Variants in SCN2A observed in about 807,000 individuals in gnomAD.
SCN2A encodes sodium channel protein type 2 subunit alpha.
A neutral mutation model predicts 188.7 loss-of-function variants in SCN2A; 20 were observed. The observed-to-expected ratio is 0.11, with a 90% CI of 0.07 to 0.15. The LOEUF (loss-of-function observed/expected upper bound fraction) is 0.15, where lower values mean the gene tolerates loss of function less well. SCN2A is among the 10% of genes least tolerant of loss of function. The probability of loss-of-function intolerance (pLI) is 1.00; values close to 1 mark genes in which losing one functional copy is unlikely to be tolerated. For synonymous variants in SCN2A, 804 were observed against 833.1 expected (o/e 0.97, Z 0.60); for missense variants, 1,278 against 2,445.0 (o/e 0.52, Z 10.07).
intron 17 of SCN2A, among the ~76,000 whole-genome samples, chr2:165,361,040 T>C (rs985060852): frequency 3.3e-5 from 5 of 151,958 alleles, no homozygotes; most frequent in Non-Finnish European, 7.4e-5. Context: ...TATTCCTAAT[T>C]TGATTAATTT....
chr2:165,365,233 T>A lies in SCN2A; in HGVS notation c.3490T>A (p.Ser1164Thr). ...ACAGCCTGAGGTTGAACCTGAGGAA[T>A]CCCTTGAACCTGAAGCCTGTTTTAC... ...GEQPEVEPEESLEPEACFTED... is the reference protein window; with the variant it reads ...GEQPEVEPEETLEPEACFTED... Residue 1164 changes from serine to threonine, a missense_variant, in exon 18 of 27, where the codon TCC (serine) becomes ACC (threonine). Physicochemically the swap from Ser to Thr is moderately conservative, Grantham distance 58 (BLOSUM62 1). Transcript: ENST00000375437. 6.2e-7 allele frequency: 1 copy of A among 1,613,986 alleles called. No homozygotes were observed. The highest frequency in any genetic ancestry group is 8.5e-7 in the Non-Finnish European group (1 of 1,179,920).
chr2:165,386,251 G>A (rs1035516059), intron 25 of SCN2A, among the ~76,000 whole-genome samples: 1 of 151,882 alleles, frequency 6.6e-6, no homozygotes, highest in African/African-American at 2.4e-5. Flanking sequence ...AGATCATTAG[G>A]TCAGGAGTTT....
chr2:165,300,001 C>T (rs1696717952), intron 3 of SCN2A, among the ~76,000 whole-genome samples: 2 of 152,082 alleles, frequency 1.3e-5, no homozygotes, highest in Non-Finnish European at 2.9e-5. Flanking sequence ...TTTATTTTGG[C>T]TGAATGAGAA....
intron 13 of SCN2A, 128 bp downstream of exon 13, chr2:165,327,112 G>A (rs1698399176): frequency 1.7e-6 from 2 of 1,200,462 alleles, no homozygotes; most frequent in Non-Finnish European, 2.4e-6. Context: ...CTAAATAACA[G>A]TAAAATCCGT....
intron 26 of SCN2A, among the ~76,000 whole-genome samples, chr2:165,387,857 A>C (rs746565391): frequency 6.6e-6 from 1 of 152,104 alleles, no homozygotes; most frequent in Non-Finnish European, 1.5e-5. Context: ...CATAAGTGCT[A>C]TGAGGTAGCA....
intron 21 of SCN2A, 149 bp downstream of exon 21, chr2:165,373,496 G>A: frequency 1.1e-6 from 1 of 882,688 alleles, no homozygotes; most frequent in South Asian, 1.6e-5. Context: ...TTTACCAGAT[G>A]CCCATAATAC....
intron 12 of SCN2A, 131 bp downstream of exon 12, chr2:165,323,631 C>A (rs1698184099): frequency 4.8e-6 from 4 of 829,926 alleles, no homozygotes; most frequent in South Asian, 3.1e-5. Flanking sequence ...TTCAATCAAG[C>A]TGTTAACTGT....
At position 165,323,196 on chromosome 2, in the gene SCN2A, G is replaced by T. The variant is rs138138150; in HGVS notation, c.1712G>T (p.Arg571Leu). The T allele has an allele frequency of 1.2e-6, 2 of 1,614,012 alleles. No homozygotes were observed. The highest frequency in any genetic ancestry group is 1.7e-6 in the Non-Finnish European group (2 of 1,180,050). Reference sequence around the variant, plus strand: ...CGTGGCTCCCTTTTCTCTCCAAGACGCAACAGTAGGGCGAGCCTTTTCAGC... The same window carrying T: ...CGTGGCTCCCTTTTCTCTCCAAGACTCAACAGTAGGGCGAGCCTTTTCAGC... ...SIRGSLFSPR[R>L]NSRASLFSFR... Residue 571 changes from arginine (R) to leucine (L), a missense_variant, in exon 12 of 27, where the codon CGC becomes CTC. Transcript: ENST00000375437.
chr2:165,328,472 A>G (rs1208596071), intron 13 of SCN2A: 2 of 985,668 alleles, frequency 2.0e-6, no homozygotes, highest in African/African-American at 1.7e-5. Context: ...GGAAGCTGCC[A>G]GTGGTTCTGC....
chr2:165,375,789 T>A (rs560777040), intron 22 of SCN2A, among the ~76,000 whole-genome samples: 4 of 151,778 alleles, frequency 2.6e-5, no homozygotes, highest in African/African-American at 9.7e-5. Context: ...TAAAAACTTA[T>A]TGGATGTATA....
intron 11 of SCN2A, among the ~76,000 whole-genome samples, chr2:165,318,362 A>T (rs184925625): frequency 1.3e-5 from 2 of 152,352 alleles, no homozygotes. Context: ...TGAAACCTTT[A>T]TAAGGTACAA....
intron 1 of SCN2A, chr2:165,271,718 A>C (rs1247180512): frequency 6.6e-6 from 1 of 152,114 alleles, no homozygotes; most frequent in Non-Finnish European, 1.5e-5. Flanking sequence ...TTTTCCTGTC[A>C]ATCCCTCCTT....
At chr2:165,356,634 G>A (rs774166764) in intron 17 of SCN2A, among the ~76,000 whole-genome samples, 16 of 152,142 alleles carry the variant, frequency 1.1e-4, no homozygotes, top group African/African-American at 1.7e-4. Flanking sequence ...AGTATCAAAC[G>A]TTGAAGCCAT....
At chr2:165,258,659 A>G (rs181201935) in intron 1 of SCN2A, among the ~76,000 whole-genome samples, 1 of 152,380 alleles carries the variant, frequency 6.6e-6, no homozygotes, top group East Asian at 1.9e-4. Context: ...CACTGTTCAC[A>G]ATAGCAAAGA....
Position 165,344,830 on chromosome 2 carries a change from C to G in SCN2A, c.2838C>G (p.Thr946=). The change falls in exon 16 of 27, where the codon ACC becomes ACG. Residue 946 remains threonine (T), a synonymous_variant. Transcript: ENST00000375437. ...FRVLCGEWIE[T]MWDCMEVAGQ... Reference sequence around the variant, plus strand: ...TGCTGTGTGGAGAGTGGATAGAGACCATGTGGGACTGTATGGAGGTCGCTG... The same window carrying G: ...TGCTGTGTGGAGAGTGGATAGAGACGATGTGGGACTGTATGGAGGTCGCTG... The G allele has an allele frequency of 6.2e-7, 1 of 1,614,140 alleles. No individual in the cohort carries two copies.
chr2:165,365,379 ATC>A, intron 18 of SCN2A, 116 bp downstream of exon 18: 2 of 973,490 alleles, frequency 2.1e-6, no homozygotes, highest in Non-Finnish European at 3.2e-6. Flanking sequence ...ATCTGTATCT[ATC>A]TATCTATCTA....
At chr2:165,301,308 G>A (rs1386470712) in intron 3 of SCN2A, among the ~76,000 whole-genome samples, 1 of 152,056 alleles carries the variant, frequency 6.6e-6, no homozygotes, top group Non-Finnish European at 1.5e-5. Flanking sequence ...GTTCAACTTT[G>A]GGAGCTGTCA....
rs780269505 is a variant in SCN2A at position 165,354,436 on chromosome 2, A to G, written c.3164A>G (p.Asn1055Ser). The G allele has an allele frequency of 1.2e-6, 2 of 1,614,144 alleles. No individual in the cohort carries two copies. ...AATAAAAAAGACAGCTGTATTTCCA[A>G]CCATACCACCATAGAAATAGGCAAA... The part of the protein sequence containing the change: ...LNNKKDSCIS[N>S]HTTIEIGKDL... Residue 1055 changes from asparagine to serine, a missense_variant, in exon 17 of 27, where the codon AAC (asparagine) becomes AGC (serine). Asn to Ser is a conservative substitution (Grantham distance 46). Coordinates refer to ENST00000375437, the MANE Select transcript of SCN2A (RefSeq NM_001040142.2).
rs1271586261 is a variant in SCN2A, at chr2:165,313,647, G to C, written c.1062G>C (p.Val354=). Residue 354 remains valine, a synonymous_variant, in exon 9 of 27, where the codon GTG becomes GTC. Coordinates refer to ENST00000375437, the MANE Select transcript of SCN2A (RefSeq NM_001040142.2). The part of the protein sequence containing the change: ...AGQCPEGYIC[V]KAGRNPNYGY... ...AGTGTCCTGAAGGATACATCTGTGT[G>C]AAGGCTGGTAGAAACCCCAACTATG... The C allele has an allele frequency of 6.2e-7, 1 of 1,613,480 alleles. No individual in the cohort carries two copies. The highest frequency in any genetic ancestry group is 1.3e-5 in the African/African-American group (1 of 74,890).
Sources: allele counts gnomAD v4.1 joint callset (sites outside exome capture counted in the v4.1 genomes callset), GRCh38; gene constraint gnomAD v4.1.1; transcripts MANE v1.5; gene names NCBI Gene and HGNC (gene_info 2026-07-23, HGNC 2026-07-21).